Variants in PDE7A observed in about 807,000 individuals in gnomAD.
PDE7A encodes high affinity 3',5'-cyclic-AMP phosphodiesterase 7A.
PDE7A carries 39 observed loss-of-function variants against 64.3 expected under a neutral mutation model. The observed-to-expected ratio is 0.61, with a 90% CI of 0.47 to 0.79. The LOEUF (loss-of-function observed/expected upper bound fraction) is 0.79. Ranked by LOEUF, PDE7A falls within the 30% of genes least tolerant of loss-of-function variation. PDE7A has a pLI of 0.00. For missense variants in PDE7A, 470 were observed against 582.8 expected (o/e 0.81, Z 1.99); for synonymous variants, 203 against 206.8 (o/e 0.98, Z 0.16).
intron 3 of PDE7A, among the ~76,000 whole-genome samples, chr8:65,753,126 C>A (rs1344545178): frequency 6.6e-6 from 1 of 152,196 alleles, no homozygotes; most frequent in Non-Finnish European, 1.5e-5. Context: ...TATGGCAGCA[C>A]TATTCCATTA....
chr8:65,755,507 C>G (rs927033253), intron 3 of PDE7A, among the ~76,000 whole-genome samples: 11 of 152,138 alleles, frequency 7.2e-5, no homozygotes, highest in African/African-American at 2.7e-4. Flanking sequence ...CAATAGTATA[C>G]AAACACTGCT....
intron 3 of PDE7A, among the ~76,000 whole-genome samples, chr8:65,753,523 C>G (rs1413766329): frequency 6.6e-6 from 1 of 152,140 alleles, no homozygotes; most frequent in East Asian, 1.9e-4. Flanking sequence ...CCTCACCCAC[C>G]CCTAAGCTTT....
chr8:65,839,535 C>G (rs2128936069), intron 1 of PDE7A, among the ~76,000 whole-genome samples: 1 of 151,978 alleles, frequency 6.6e-6, no homozygotes, highest in East Asian at 1.9e-4. Flanking sequence ...TTTACATTTA[C>G]CACAATGTTA....
At chr8:65,760,678 T>C (rs1808444471) in intron 3 of PDE7A, among the ~76,000 whole-genome samples, 1 of 152,236 alleles carries the variant, frequency 6.6e-6, no homozygotes, top group Non-Finnish European at 1.5e-5. Context: ...AGTTTCTTCA[T>C]GTTTACTCCA....
intron 3 of PDE7A, among the ~76,000 whole-genome samples, chr8:65,766,664 C>G (rs1356281238): frequency 6.6e-6 from 1 of 152,226 alleles, no homozygotes; most frequent in Non-Finnish European, 1.5e-5. Context: ...TCCCTCTCTC[C>G]TCTTCCTCCA....
chr8:65,832,793 ACAT>A (rs2128934703), intron 1 of PDE7A, among the ~76,000 whole-genome samples: 1 of 152,248 alleles, frequency 6.6e-6, no homozygotes, highest in Admixed American at 6.5e-5. Context: ...AGCCAGTATC[ACAT>A]TTTTTAGTAT....
intron 1 of PDE7A, chr8:65,838,387 T>C (rs1194967716): frequency 6.6e-6 from 1 of 152,362 alleles, no homozygotes; most frequent in East Asian, 1.9e-4. Flanking sequence ...TCATCTACTT[T>C]ATCATTCACT....
chr8:65,813,555 TAAGAC>T (rs1810305931), intron 1 of PDE7A, among the ~76,000 whole-genome samples: 1 of 152,104 alleles, frequency 6.6e-6, no homozygotes, highest in South Asian at 2.1e-4. Flanking sequence ...ACTTGAAAAA[TAAGAC>T]AAAAATATAA....
intron 1 of PDE7A, among the ~76,000 whole-genome samples, chr8:65,829,097 AAAAAAATTTAAATTACT>A (rs1563523329): frequency 6.6e-6 from 1 of 152,086 alleles, no homozygotes; most frequent in African/African-American, 2.4e-5. Flanking sequence ...GTAAAATTTT[AAAAAAATTTAAATTACT>A]AAAAAATTCC....
At chr8:65,779,464 GAA>G (rs201799509) in intron 3 of PDE7A, among the ~76,000 whole-genome samples, 1 of 151,716 alleles carries the variant, frequency 6.6e-6, no homozygotes, top group African/African-American at 2.4e-5. Flanking sequence ...TCTTTTTAAA[GAA>G]AAAAAAGTAA....
chr8:65,798,680 T>G (rs1223479585), intron 1 of PDE7A, among the ~76,000 whole-genome samples: 2 of 152,212 alleles, frequency 1.3e-5, no homozygotes, highest in African/African-American at 4.8e-5. Context: ...CAAGATACTA[T>G]TAACCACAAG....
At chr8:65,826,905 T>C (rs1810689189) in intron 1 of PDE7A, among the ~76,000 whole-genome samples, 1 of 152,168 alleles carries the variant, frequency 6.6e-6, no homozygotes, top group Admixed American at 6.5e-5. Flanking sequence ...TTGGTGTTCT[T>C]GGCTGGTGGC....
chr8:65,768,016 T>C (rs1808880943), intron 3 of PDE7A, among the ~76,000 whole-genome samples: 1 of 152,040 alleles, frequency 6.6e-6, no homozygotes, highest in Non-Finnish European at 1.5e-5. Flanking sequence ...CTGTGGGGTC[T>C]GACACTCCCT....
chr8:65,785,057 G>C (rs750837021), intron 1 of PDE7A, among the ~76,000 whole-genome samples: 2 of 151,712 alleles, frequency 1.3e-5, no homozygotes, highest in Non-Finnish European at 2.9e-5. Flanking sequence ...GTGTGCAAAA[G>C]AACTACCCAA....
intron 5 of PDE7A, among the ~76,000 whole-genome samples, chr8:65,741,642 C>G (rs1807441258): frequency 6.6e-6 from 1 of 152,170 alleles, no homozygotes; most frequent in Non-Finnish European, 1.5e-5. Flanking sequence ...TCCTGATATG[C>G]TCTATTGGTA....
rs1484496882 is a variant in PDE7A, at chr8:65,829,625, ACTTT to A, written c.138+11742_138+11745del. Among the ~76,000 whole-genome samples the A allele has an allele frequency of 2.0e-5, 3 of 152,128 alleles. No individual in the cohort carries two copies. In the East Asian group the frequency reaches 5.8e-4, roughly 29 times the overall value. The stretch of plus-strand genomic sequence containing the variant: ...CTAAATTTAAAGCCGTAACTTCTCC[ACTTT>A]CTTACTGTGTGATCTGGGACAAATC... On this transcript the variant is annotated intron_variant, in intron 1 of 12. Transcript: ENST00000401827.
At chr8:65,765,520 A>AAAAAAAAAC (rs1808738031) in intron 3 of PDE7A, 1 of 137,832 alleles carries the variant, frequency 7.3e-6, no homozygotes, top group African/African-American at 2.7e-5. Context: ...AAAAAAAAAA[A>AAAAAAAAAC]GATAATGGGC....
chr8:65,782,949 G>A, intron 1 of PDE7A, 106 bp from the exon 2 acceptor site: 1 of 682,228 alleles, frequency 1.5e-6, no homozygotes, highest in Non-Finnish European at 2.5e-6. Context: ...CACTGTGCAA[G>A]AGAAGTTGGA....
Position 65,775,049 on chromosome 8 carries a change from T to A in PDE7A, c.283+4671A>T, listed in dbSNP as rs186102651. ...GATAAACTGTAATTTTTAAGAAAAT[T>A]TTCTGGATCATACAAGTGTTCAAAT... On this transcript the variant is annotated intron_variant, in intron 3 of 12. Transcript: ENST00000401827. Among the ~76,000 whole-genome samples the A allele has an allele frequency of 5.7e-4, 87 of 152,330 alleles. 1 individual carries two copies. Among genetic ancestry groups the A allele is most frequent in the Admixed American group, 3.2e-3 (49 of 15,300 alleles).
Sources: gnomAD v4.1 joint callset for allele counts (sites outside exome capture counted in the v4.1 genomes callset) on GRCh38, gnomAD v4.1.1 for gene constraint, MANE v1.5 for transcripts, NCBI Gene and HGNC (gene_info 2026-07-23, HGNC 2026-07-21) for gene names.